Variants in PCSK5 observed in about 807,000 individuals in gnomAD.
PCSK5 encodes the protein prohormone convertase 5.
Under a neutral mutation model 233.2 loss-of-function variants are expected in PCSK5, and 129 were observed. That is an observed-to-expected ratio of 0.55 (90% confidence interval 0.48 to 0.64). The LOEUF is 0.64. Among genes scored for constraint, PCSK5 ranks in the 30% least tolerant of loss-of-function variants. The pLI, the probability that PCSK5 is intolerant of heterozygous loss-of-function variation, is 0.00. For synonymous variants in PCSK5, 825 were observed against 879.2 expected (o/e 0.94, Z 1.09); for missense variants, 2,076 against 2,430.1 (o/e 0.85, Z 3.06).
chr9:76,160,049 C>A (rs1463630176), intron 12 of PCSK5, among the ~76,000 whole-genome samples: 1 of 152,074 alleles, frequency 6.6e-6, no homozygotes, highest in East Asian at 1.9e-4. Flanking sequence ...TCTCGATCTC[C>A]TGACCTCGTG....
intron 2 of PCSK5, among the ~76,000 whole-genome samples, chr9:75,976,869 T>G (rs894855304): frequency 6.6e-6 from 1 of 152,154 alleles, no homozygotes; most frequent in Non-Finnish European, 1.5e-5. Context: ...TTTTTCCACT[T>G]AGCTGTAAGA....
chr9:76,319,499 A>T (rs749197918), intron 30 of PCSK5, among the ~76,000 whole-genome samples: 25 of 151,882 alleles, frequency 1.6e-4, no homozygotes, highest in Non-Finnish European at 2.5e-4. Flanking sequence ...TGCTGAAGGG[A>T]CATTGTGAGA....
At position 76,023,765 on chromosome 9, in the gene PCSK5, C is replaced by G. The variant is rs1437608328; in HGVS notation, c.439C>G (p.Gln147Glu). 1.2e-5 allele frequency: 20 copies of G among 1,612,988 alleles called. No homozygotes were observed. The Admixed American group carries it at 1.7e-4, about 13-fold the overall frequency. ...MHCSDNTHPC[Q>E]SDMNIEGAWK... Reference sequence around the variant, plus strand: ...CTGCAGTGACAATACACATCCCTGCCAGTCTGACATGAATATCGAAGGAGC... The same window carrying G: ...CTGCAGTGACAATACACATCCCTGCGAGTCTGACATGAATATCGAAGGAGC... The change falls in exon 4 of 38, where the codon CAG (glutamine) becomes GAG (glutamate). Residue 147 changes from glutamine to glutamate, a missense_variant. Gln to Glu is a conservative substitution (Grantham distance 29, BLOSUM62 2). Transcript: ENST00000674117.
At chr9:75,996,501 C>T (rs913048291) in intron 3 of PCSK5, among the ~76,000 whole-genome samples, 19 of 152,074 alleles carry the variant, frequency 1.2e-4, no homozygotes, top group Admixed American at 3.9e-4. Context: ...ATGATAACTG[C>T]GATTTCATTG....
Position 76,338,234 on chromosome 9 carries a change from T to C in PCSK5, c.4753T>C (p.Tyr1585His). The change falls in exon 35 of 38, where the codon TAC becomes CAC. Residue 1585 changes from tyrosine (Y) to histidine (H), a missense_variant. Around this residue, in one of 6 missense-constraint regions of PCSK5, gnomAD observed 1,510 missense variants for 1,538.1 expected, o/e 0.98. Transcript: ENST00000674117. ...TTTCTTCTCCTTTGGTTTCAGATATTACGCAGACAACTCCACTGGCCGGTG... is the reference window on the plus strand; with the variant it reads ...TTTCTTCTCCTTTGGTTTCAGATATCACGCAGACAACTCCACTGGCCGGTG... ...ECLLQCREGY[Y>H]ADNSTGRCER... 2 of 1,610,414 alleles carry C rather than the reference T, an allele frequency of 1.2e-6. No individual in the cohort carries two copies. Among genetic ancestry groups the C allele is most frequent in the Non-Finnish European group, 1.7e-6 (2 of 1,178,460 alleles).
At chr9:75,949,695 CTT>C (rs970510724) in intron 2 of PCSK5, among the ~76,000 whole-genome samples, 2 of 151,820 alleles carry the variant, frequency 1.3e-5, no homozygotes, top group African/African-American at 2.4e-5. Context: ...CCCCAGCTAA[CTT>C]TTTTATTTTT....
At chr9:76,110,704 AG>A (rs1184473479) in intron 9 of PCSK5, among the ~76,000 whole-genome samples, 1 of 152,222 alleles carries the variant, frequency 6.6e-6, no homozygotes, top group East Asian at 1.9e-4. Context: ...TCAAAAAAAA[AG>A]GTTGTGGGGG....
At chr9:76,238,128 C>T (rs146415116) in intron 22 of PCSK5, among the ~76,000 whole-genome samples, 13 of 152,278 alleles carry the variant, frequency 8.5e-5, no homozygotes, top group African/African-American at 3.1e-4. Context: ...ATGGATACCC[C>T]GAGCACACTC....
At position 76,068,003 on chromosome 9, in the gene PCSK5, G is replaced by A. The variant is rs780700561; in HGVS notation, c.681G>A (p.Ser227=). 34 of 1,613,836 alleles carry A rather than the reference G, an allele frequency of 2.1e-5. No individual in the cohort carries two copies. The highest frequency in any genetic ancestry group is 9.9e-5 in the South Asian group (9 of 91,060). ...AGEVAAAANN[S]HCTVGIAFNA... is the part of the protein sequence containing the mutation. Reference sequence around the variant, plus strand: ...AAGTGGCAGCCGCTGCAAACAATTCGCACTGCACAGTCGGAATTGCTTTCA... The same window carrying A: ...AAGTGGCAGCCGCTGCAAACAATTCACACTGCACAGTCGGAATTGCTTTCA... The change falls in exon 6 of 38, where the codon TCG becomes TCA. Residue 227 remains serine (S), a synonymous_variant. Transcript: ENST00000674117.
chr9:76,111,836 C>T (rs1370551854), intron 9 of PCSK5, among the ~76,000 whole-genome samples: 1 of 152,132 alleles, frequency 6.6e-6, no homozygotes, highest in Admixed American at 6.5e-5. Flanking sequence ...AAGTGTTTTG[C>T]ATCTAGGTCC....
intron 5 of PCSK5, among the ~76,000 whole-genome samples, chr9:76,034,392 C>G (rs887900389): frequency 6.6e-6 from 1 of 152,114 alleles, no homozygotes; most frequent in Non-Finnish European, 1.5e-5. Flanking sequence ...ATTTCTGAAC[C>G]AAAATAAGAA....
intron 5 of PCSK5, among the ~76,000 whole-genome samples, chr9:76,054,806 G>A (rs866042246): frequency 2.7e-4 from 41 of 152,190 alleles, no homozygotes; most frequent in African/African-American, 7.7e-4. Flanking sequence ...ACATTTTACA[G>A]GCCTTACTCA....
chr9:75,940,187 A>G (rs1442907403), intron 2 of PCSK5, among the ~76,000 whole-genome samples: 1 of 152,218 alleles, frequency 6.6e-6, no homozygotes, highest in Non-Finnish European at 1.5e-5. Context: ...AAGAGATTTA[A>G]CGTGTTGGTT....
chr9:76,172,035 G>A (rs1171843946), intron 13 of PCSK5, among the ~76,000 whole-genome samples: 4 of 152,130 alleles, frequency 2.6e-5, no homozygotes, highest in Non-Finnish European at 5.9e-5. Context: ...GGTTACATCA[G>A]TAAGCGAATA....
chr9:76,016,288 A>AT (rs1233654250), intron 3 of PCSK5, among the ~76,000 whole-genome samples: 1 of 152,148 alleles, frequency 6.6e-6, no homozygotes, highest in East Asian at 1.9e-4. Flanking sequence ...CTCATGAACA[A>AT]TTTTTTGCAA....
intron 5 of PCSK5, among the ~76,000 whole-genome samples, chr9:76,064,020 C>T (rs1267050459): frequency 1.1e-5 from 1 of 92,674 alleles, no homozygotes. Flanking sequence ...GACCCCCCCA[C>T]CTCCCTCCCG....
Position 76,068,018 on chromosome 9 carries a change from A to C in PCSK5, c.696A>C (p.Gly232=). The part of the protein sequence containing the change: ...AAANNSHCTV[G]IAFNAKIGGV... ...CAAACAATTCGCACTGCACAGTCGG[A>C]ATTGCTTTCAACGCCAAGATCGGAG... The change falls in exon 6 of 38, where the codon GGA becomes GGC. Residue 232 remains glycine (G), a synonymous_variant. Coordinates refer to ENST00000674117, the MANE Select transcript of PCSK5 (RefSeq NM_001372043.1). 1.2e-6 allele frequency: 2 copies of C among 1,613,898 alleles called. No individual in the cohort carries two copies. Among genetic ancestry groups the C allele is most frequent in the Non-Finnish European group, 1.7e-6 (2 of 1,179,806 alleles).
At chr9:76,132,746 C>T (rs968630176) in intron 9 of PCSK5, among the ~76,000 whole-genome samples, 5 of 151,962 alleles carry the variant, frequency 3.3e-5, no homozygotes, top group East Asian at 1.9e-4. Flanking sequence ...ATCAGTACAA[C>T]GACATAAAGC....
At chr9:76,179,818 G>A in intron 15 of PCSK5, 120 bp downstream of exon 15, 1 of 664,716 alleles carries the variant, frequency 1.5e-6, no homozygotes, top group Non-Finnish European at 2.6e-6. Context: ...CTCCCACCAG[G>A]ACCGAAACAT....
Sources: gnomAD v4.1 joint callset for allele counts (sites outside exome capture counted in the v4.1 genomes callset) on GRCh38, gnomAD v4.1.1 for gene constraint, gnomAD v4.1.1 regional missense constraint, MANE v1.5 for transcripts, NCBI Gene and HGNC (gene_info 2026-07-23, HGNC 2026-07-21) for gene names.